Variants in ZNF622 observed in about 807,000 individuals in gnomAD.
The protein encoded by ZNF622 is cytoplasmic 60S subunit biogenesis factor ZNF622.
Under a neutral mutation model 49.7 loss-of-function variants are expected in ZNF622, and 34 were observed. The ratio of observed to expected loss-of-function variants is 0.68; its 90% CI spans 0.52 to 0.91. ZNF622 has a LOEUF of 0.91. Ranked by LOEUF, ZNF622 falls within the 40% of genes least tolerant of loss-of-function variation. ZNF622 has a pLI of 0.00. For synonymous variants in ZNF622, 209 were observed against 228.7 expected (o/e 0.91, Z 0.78); for missense variants, 569 against 616.4 (o/e 0.92, Z 0.81).
intron 5 of ZNF622, among the ~76,000 whole-genome samples, chr5:16,452,483 C>T (rs189794667): frequency 1.3e-5 from 2 of 152,284 alleles, no homozygotes; most frequent in Admixed American, 6.5e-5. Flanking sequence ...TAGCTAACCT[C>T]GACTATGGGC....
intron 4 of ZNF622, among the ~76,000 whole-genome samples, chr5:16,453,545 TAAATA>T (rs1318877715): frequency 1.5e-5 from 2 of 133,164 alleles, no homozygotes; most frequent in African/African-American, 5.5e-5. Flanking sequence ...TTTATATATA[TAAATA>T]AATAAAAATT....
Position 16,465,649 on chromosome 5 carries a change from C to T in ZNF622, c.17G>A (p.Cys6Tyr), listed in dbSNP as rs1561071370. The T allele has an allele frequency of 6.3e-7, 1 of 1,586,664 alleles. No individual in the cohort carries two copies. Among genetic ancestry groups the T allele is most frequent in the African/African-American group, 1.3e-5 (1 of 74,278 alleles). ...GCGGAACGCCACCCGGCAAGTTATG[C>T]AGGTGTACGTCGCCATTGCCAGGCG... MATYTCITCRVAFRDA... is the reference protein window; with the variant it reads MATYTYITCRVAFRDA... Residue 6 changes from cysteine (C) to tyrosine (Y), a missense_variant, in exon 1 of 6, where the codon TGC (cysteine) becomes TAC (tyrosine). Physicochemically the swap from Cys to Tyr is radical, Grantham distance 194. Transcript: ENST00000308683. This position sits in a 1 kb window ranked among gnomAD's most constrained non-coding sequence, Gnocchi z 6.2.
intron 4 of ZNF622, among the ~76,000 whole-genome samples, chr5:16,453,941 T>G (rs1380900658): frequency 6.6e-6 from 1 of 152,116 alleles, no homozygotes; most frequent in Non-Finnish European, 1.5e-5. Context: ...TCCTAAATGA[T>G]GGAAATCACC....
chr5:16,452,931 C>T, intron 5 of ZNF622, 82 bp downstream of exon 5: 1 of 1,312,530 alleles, frequency 7.6e-7, no homozygotes. Context: ...ACATGGACAA[C>T]ATAAATGGAA....
At chr5:16,453,559 TTATATATATATATA>T (rs58965299) in intron 4 of ZNF622, among the ~76,000 whole-genome samples, 1,967 of 67,128 alleles carry the variant, frequency 0.029, 69 homozygotes, top group African/African-American at 0.076. Flanking sequence ...TAAATAAAAA[TTATATATATATATA>T]TATATATATA....
At position 16,453,112 on chromosome 5, in the gene ZNF622, G is replaced by C. The variant is rs771709029; in HGVS notation, c.1207C>G (p.Arg403Gly). 1 of 1,576,248 alleles carries C rather than the reference G, an allele frequency of 6.3e-7. No individual in the cohort carries two copies. The highest frequency in any genetic ancestry group is 8.6e-7 in the Non-Finnish European group (1 of 1,157,746). Reference protein sequence around the residue: ...HRSLMRYYKQRFGLSRAVAVA... With the variant: ...HRSLMRYYKQGFGLSRAVAVA... ...GCCACAGCTCTTGACAAGCCAAATC[G>C]CTGTTTGTAGTATCTCATCAAGGAG... Residue 403 changes from arginine (R) to glycine (G), a missense_variant, in exon 5 of 6, where the codon CGA becomes GGA. Arg to Gly is a moderately radical substitution (Grantham distance 125). Transcript: ENST00000308683.
intron 3 of ZNF622, among the ~76,000 whole-genome samples, chr5:16,461,574 T>C (rs1334997958): frequency 2.6e-5 from 4 of 152,176 alleles, no homozygotes; most frequent in South Asian, 2.1e-4. Flanking sequence ...AAGCAGAATT[T>C]GGTGATCGAT....
Position 16,463,316 on chromosome 5 carries a change from A to G in ZNF622, c.887-46T>C, listed in dbSNP as rs757004599. The G allele has an allele frequency of 1.3e-6, 2 of 1,568,632 alleles. No individual in the cohort carries two copies. Among genetic ancestry groups the G allele is most frequent in the South Asian group, 2.4e-5 (2 of 82,628 alleles). ...AAAAATATGAAAAAAGCTTTTTGCA[A>G]CCAGATTAAATCTCACTATTTGTCA... On this transcript the variant is annotated intron_variant, in intron 2 of 5. Transcript: ENST00000308683. This position sits in a 1 kb window ranked among gnomAD's most constrained non-coding sequence, Gnocchi z 4.2.
chr5:16,452,342 C>A (rs27455), intron 5 of ZNF622, among the ~76,000 whole-genome samples: 52,006 of 152,080 alleles, frequency 0.34, 9,032 homozygotes, highest in East Asian at 0.46. Flanking sequence ...CTTCATCCAG[C>A]AGACACATCA....
intron 4 of ZNF622, among the ~76,000 whole-genome samples, chr5:16,454,484 T>C (rs1393866655): frequency 2.9e-5 from 2 of 69,356 alleles, no homozygotes; most frequent in African/African-American, 5.7e-5. Context: ...CAAGACTCCG[T>C]CTCCAAAAAA....
chr5:16,453,111 C>T lies in ZNF622; in HGVS notation c.1208G>A (p.Arg403Gln), dbSNP rs1228939586. 1.1e-5 allele frequency: 18 copies of T among 1,580,122 alleles called. No homozygotes were observed. Among genetic ancestry groups the T allele is most frequent in the South Asian group, 2.3e-5 (2 of 87,330 alleles). Residue 403 changes from arginine to glutamine, a missense_variant, in exon 5 of 6, where the codon CGA (arginine) becomes CAA (glutamine). By Grantham distance (43) the Arg-to-Gln change is conservative. Coordinates refer to ENST00000308683, the MANE Select transcript of ZNF622 (RefSeq NM_033414.3). ...HRSLMRYYKQ[R>Q]FGLSRAVAVA... ...TGCCACAGCTCTTGACAAGCCAAATCGCTGTTTGTAGTATCTCATCAAGGA... is the reference window on the plus strand; with the variant it reads ...TGCCACAGCTCTTGACAAGCCAAATTGCTGTTTGTAGTATCTCATCAAGGA...
In ZNF622 at chr5:16,465,309, G is replaced by C. The variant is rs746674493; in HGVS notation, c.357C>G (p.Gly119=). The change falls in exon 1 of 6, where the codon GGC becomes GGG. Residue 119 remains glycine, a synonymous_variant. Coordinates refer to ENST00000308683, the MANE Select transcript of ZNF622 (RefSeq NM_033414.3). The surrounding 1 kb of genome is among the most constrained non-coding windows in gnomAD (Gnocchi z 6.2). ...TGGCATCCTTGTCCACACTGTCCAC[G>C]CCCAGTCCTTTCTCCAAGTTCTTTT... The part of the protein sequence containing the change: ...MNEKNLEKGL[G]VDSVDKDAMN... 4.3e-6 allele frequency: 7 copies of C among 1,614,256 alleles called. No homozygotes were observed. In the South Asian group the frequency reaches 7.7e-5, roughly 18 times the overall value.
At chr5:16,457,364 A>G (rs1322467858) in intron 4 of ZNF622, among the ~76,000 whole-genome samples, 3 of 152,224 alleles carry the variant, frequency 2.0e-5, no homozygotes, top group Admixed American at 2.0e-4. Flanking sequence ...TAAGTTATTA[A>G]ACATATTTCT....
At chr5:16,457,068 T>G (rs1579563372) in intron 4 of ZNF622, among the ~76,000 whole-genome samples, 1 of 152,304 alleles carries the variant, frequency 6.6e-6, no homozygotes, top group East Asian at 1.9e-4. Context: ...AAGCTGAGGA[T>G]TCTTTATTTT....
At chr5:16,462,333 C>A (rs963349262) in intron 3 of ZNF622, among the ~76,000 whole-genome samples, 3 of 152,172 alleles carry the variant, frequency 2.0e-5, no homozygotes, top group Non-Finnish European at 4.4e-5. Context: ...AAGTACTTAA[C>A]ATACATTTGC....
chr5:16,458,460 T>A (rs1561069028), intron 4 of ZNF622, 57 bp downstream of exon 4: 1 of 1,158,250 alleles, frequency 8.6e-7, no homozygotes, highest in Non-Finnish European at 1.3e-6. Flanking sequence ...GATGGAGATA[T>A]GCTTCTCCCT....
chr5:16,460,787 C>T (rs533272437), intron 3 of ZNF622, among the ~76,000 whole-genome samples: 41 of 152,102 alleles, frequency 2.7e-4, no homozygotes, highest in African/African-American at 9.4e-4. Context: ...TTTCTAGGCA[C>T]CAACAGAATA....
At chr5:16,454,725 C>T (rs79493588) in intron 4 of ZNF622, among the ~76,000 whole-genome samples, 2 of 152,108 alleles carry the variant, frequency 1.3e-5, no homozygotes, top group East Asian at 3.9e-4. Flanking sequence ...CACACAGCCA[C>T]GCTCAACTGT....
At chr5:16,461,859 T>C (rs1344482710) in intron 3 of ZNF622, among the ~76,000 whole-genome samples, 23 of 152,192 alleles carry the variant, frequency 1.5e-4, no homozygotes. Context: ...TATTGAAATC[T>C]ATGAGACTGG....
Sources: gnomAD v4.1 joint callset for allele counts (sites outside exome capture counted in the v4.1 genomes callset) on GRCh38, gnomAD v4.1.1 for gene constraint, Gnocchi (gnomAD v3.1) non-coding constraint, MANE v1.5 for transcripts, NCBI Gene and HGNC (gene_info 2026-07-23, HGNC 2026-07-21) for gene names.